Variants in AFF3 observed in about 807,000 individuals in gnomAD.
AFF3 encodes the protein ALF transcription elongation factor 3, also known as AF4/FMR2 family member 3.
In AFF3, 32 loss-of-function variants were observed where a neutral mutation model predicts 129.7. The ratio of observed to expected loss-of-function variants is 0.25; its 90% CI spans 0.19 to 0.33. The LOEUF is 0.33. Ranked by LOEUF, AFF3 falls within the 10% of genes least tolerant of loss-of-function variation. The pLI, the probability that AFF3 is intolerant of heterozygous loss-of-function variation, is 1.00. For missense variants in AFF3, 1,373 were observed against 1,592.0 expected (o/e 0.86, Z 2.34); for synonymous variants, 644 against 635.4 (o/e 1.01, Z -0.20).
At chr2:99,638,491 C>T (rs553953484) in intron 13 of AFF3, among the ~76,000 whole-genome samples, 433 of 144,160 alleles carry the variant, frequency 3.0e-3, no homozygotes, top group Middle Eastern at 0.01. Context: ...TAGTTTTTCT[C>T]GTCTGTGGTC....
At chr2:99,973,700 C>CTT (rs34744903) in intron 7 of AFF3, among the ~76,000 whole-genome samples, 1 of 146,896 alleles carries the variant, frequency 6.8e-6, no homozygotes, top group Non-Finnish European at 1.5e-5. Flanking sequence ...TTTTTTTTTC[C>CTT]TTTTTTTTTT....
At chr2:99,678,784 T>C (rs1674250993) in intron 11 of AFF3, among the ~76,000 whole-genome samples, 2 of 152,268 alleles carry the variant, frequency 1.3e-5, no homozygotes, top group African/African-American at 4.8e-5. Context: ...CTATTCATTA[T>C]GCAAGTGCAT....
rs61526527 is a variant in AFF3 at position 99,778,897 on chromosome 2, CGTGT to C, written c.922-26600_922-26597del. ...GTGTGTGTGTGTGTGTGTGTGTGCG[CGTGT>C]GTGTGTGTGTGTGTGTGTGTGTGTG... On this transcript the variant is annotated intron_variant, in intron 8 of 24. Coordinates refer to ENST00000672756, the MANE Select transcript of AFF3 (RefSeq NM_001386135.1). Among the ~76,000 whole-genome samples, 228 of 43,184 alleles carry C rather than the reference CGTGT, an allele frequency of 5.3e-3. 1 individual carries two copies. Among genetic ancestry groups the C allele is most frequent in the Non-Finnish European group, 8.9e-3 (91 of 10,244 alleles). The allele number at this position is 43,184 out of a possible 152,430, so 28.3% of individuals were successfully genotyped here. A position where few individuals can be genotyped will look rare whatever the true frequency, so the allele number is the denominator to read the frequency against.
chr2:99,882,226 C>T (rs976229029), intron 7 of AFF3, among the ~76,000 whole-genome samples: 1 of 152,182 alleles, frequency 6.6e-6, no homozygotes, highest in Non-Finnish European at 1.5e-5. Context: ...ACACAAGTAA[C>T]TGCACTGTTG....
At chr2:99,914,202 A>T (rs1695296177) in intron 7 of AFF3, among the ~76,000 whole-genome samples, 1 of 152,196 alleles carries the variant, frequency 6.6e-6, no homozygotes, top group Non-Finnish European at 1.5e-5. Context: ...TCTTGACATG[A>T]TGTGCAACGA....
chr2:99,927,759 C>T (rs1453826501), intron 7 of AFF3, among the ~76,000 whole-genome samples: 2 of 152,152 alleles, frequency 1.3e-5, no homozygotes, highest in Non-Finnish European at 2.9e-5. Context: ...TTTTTAAATA[C>T]TAAGTGTCCT....
At chr2:99,746,639 A>C (rs944850814) in intron 9 of AFF3, among the ~76,000 whole-genome samples, 3 of 152,236 alleles carry the variant, frequency 2.0e-5, no homozygotes, top group African/African-American at 7.2e-5. Context: ...TCGTTCCTGA[A>C]ATGGACTAAA....
At chr2:99,840,477 C>T (rs1254715207) in intron 7 of AFF3, among the ~76,000 whole-genome samples, 1 of 152,222 alleles carries the variant, frequency 6.6e-6, no homozygotes, top group Non-Finnish European at 1.5e-5. Context: ...ACAGCCACTG[C>T]TACTAGTAGT....
At chr2:99,992,694 T>G (rs1337915535) in intron 7 of AFF3, among the ~76,000 whole-genome samples, 1 of 152,252 alleles carries the variant, frequency 6.6e-6, no homozygotes, top group Non-Finnish European at 1.5e-5. Context: ...TAAACACCTA[T>G]TAGATCTTGG....
intron 7 of AFF3, among the ~76,000 whole-genome samples, chr2:99,944,232 G>C (rs1177070024): frequency 6.6e-6 from 1 of 152,154 alleles, no homozygotes; most frequent in Non-Finnish European, 1.5e-5. Flanking sequence ...TGTTCATCTG[G>C]ATCTGACCAA....
At chr2:100,140,468 T>C (rs911302591) in intron 1 of AFF3, among the ~76,000 whole-genome samples, 6 of 152,154 alleles carry the variant, frequency 3.9e-5, no homozygotes, top group Non-Finnish European at 8.8e-5. Flanking sequence ...GGGTGGGGGA[T>C]TGGGACACAG....
At chr2:100,080,275 G>C (rs192164333) in intron 4 of AFF3, among the ~76,000 whole-genome samples, 1 of 152,286 alleles carries the variant, frequency 6.6e-6, no homozygotes, top group Non-Finnish European at 1.5e-5. Context: ...GAGGACTAGA[G>C]AGAATATAGG....
At chr2:99,695,508 T>C (rs1396720846) in intron 11 of AFF3, among the ~76,000 whole-genome samples, 1 of 152,156 alleles carries the variant, frequency 6.6e-6, no homozygotes, top group African/African-American at 2.4e-5. Flanking sequence ...AATGTGCCCT[T>C]AAACTGCAGG....
intron 7 of AFF3, among the ~76,000 whole-genome samples, chr2:99,952,860 C>T (rs558602819): frequency 5.3e-5 from 8 of 152,256 alleles, no homozygotes; most frequent in African/African-American, 9.6e-5. Flanking sequence ...TCCTGCCTCT[C>T]GAACTTACTA....
chr2:99,999,772 A>T (rs987950173), intron 7 of AFF3, among the ~76,000 whole-genome samples: 1 of 152,372 alleles, frequency 6.6e-6, no homozygotes, highest in African/African-American at 2.4e-5. Flanking sequence ...TCTGTCACAG[A>T]TGAGGCAACT....
intron 8 of AFF3, among the ~76,000 whole-genome samples, chr2:99,786,358 C>T (rs1684792057): frequency 6.6e-6 from 1 of 152,142 alleles, no homozygotes; most frequent in Non-Finnish European, 1.5e-5. Context: ...CACACACTAG[C>T]TCAGTGTACA....
intron 11 of AFF3, among the ~76,000 whole-genome samples, chr2:99,703,639 TTCTC>T (rs201710779): frequency 7.3e-6 from 1 of 137,644 alleles, no homozygotes; most frequent in East Asian, 2.0e-4. Flanking sequence ...TGTTTCTCAT[TTCTC>T]TCTTTTTTTT....
chr2:99,643,680 G>C (rs975707758), intron 13 of AFF3, among the ~76,000 whole-genome samples: 3 of 152,068 alleles, frequency 2.0e-5, no homozygotes, highest in African/African-American at 7.2e-5. Context: ...CTTGACAAGG[G>C]GTCAGGAAGA....
At chr2:99,854,247 CA>C (rs59998550) in intron 7 of AFF3, among the ~76,000 whole-genome samples, 13,554 of 97,722 alleles carry the variant, frequency 0.14, 1,785 homozygotes, top group African/African-American at 0.37. Context: ...CTATCTATAG[CA>C]AAAAAAAAAA....
Sources: allele counts gnomAD v4.1 joint callset (sites outside exome capture counted in the v4.1 genomes callset), GRCh38; gene constraint gnomAD v4.1.1; transcripts MANE v1.5; gene names NCBI Gene and HGNC (gene_info 2026-07-23, HGNC 2026-07-21).